Variants in PRKCE observed in about 807,000 individuals in gnomAD.
PRKCE encodes protein kinase C epsilon.
In PRKCE, 16 loss-of-function variants were observed where a neutral mutation model predicts 85.4. The observed-to-expected ratio is 0.19, with a 90% CI of 0.13 to 0.28. The LOEUF (loss-of-function observed/expected upper bound fraction) is 0.28, where lower values mean the gene tolerates loss of function less well. Among genes scored for constraint, PRKCE ranks in the 10% least tolerant of loss-of-function variants. PRKCE has a pLI of 1.00. For synonymous variants in PRKCE, 388 were observed against 371.5 expected (o/e 1.04, Z -0.51); for missense variants, 573 against 975.2 (o/e 0.59, Z 5.49).
chr2:46,124,057 G>A (rs1574531957), intron 11 of PRKCE, among the ~76,000 whole-genome samples: 1 of 152,168 alleles, frequency 6.6e-6, no homozygotes, highest in Non-Finnish European at 1.5e-5. Context: ...GGGTATGGTG[G>A]CTCACACCTG....
chr2:45,750,673 C>G (rs987756108), intron 1 of PRKCE, among the ~76,000 whole-genome samples: 2 of 152,164 alleles, frequency 1.3e-5, no homozygotes, highest in African/African-American at 4.8e-5. Context: ...CAGTTTTCTT[C>G]CCACATGAAA....
chr2:45,690,340 C>G (rs773764601), intron 1 of PRKCE, among the ~76,000 whole-genome samples: 13 of 152,208 alleles, frequency 8.5e-5, no homozygotes, highest in African/African-American at 2.9e-4. Context: ...TGCTGCTTCT[C>G]TTGGGGGATA....
At chr2:45,656,489 A>T (rs953433619) in intron 1 of PRKCE, among the ~76,000 whole-genome samples, 1 of 152,242 alleles carries the variant, frequency 6.6e-6, no homozygotes, top group Admixed American at 6.5e-5. Flanking sequence ...CATTACAAAG[A>T]GAAGGAAAGA....
chr2:45,988,460 T>C (rs1703519416), intron 6 of PRKCE, among the ~76,000 whole-genome samples: 1 of 151,908 alleles, frequency 6.6e-6, no homozygotes, highest in African/African-American at 2.4e-5. Context: ...GACAAGGAAA[T>C]GGAAATCTGG....
chr2:45,800,631 T>A (rs1236640459), intron 1 of PRKCE, among the ~76,000 whole-genome samples: 3 of 152,242 alleles, frequency 2.0e-5, no homozygotes, highest in Non-Finnish European at 4.4e-5. Flanking sequence ...TTGGCAGAAC[T>A]GGGCTGCTGG....
At chr2:46,179,689 G>T (rs568777857) in intron 14 of PRKCE, among the ~76,000 whole-genome samples, 1 of 152,268 alleles carries the variant, frequency 6.6e-6, no homozygotes, top group African/African-American at 2.4e-5. Context: ...TTTCTATCTT[G>T]TGTCAGCAAT....
intron 14 of PRKCE, among the ~76,000 whole-genome samples, chr2:46,180,637 C>A (rs1679883179): frequency 6.6e-6 from 1 of 152,216 alleles, no homozygotes; most frequent in Admixed American, 6.5e-5. Flanking sequence ...GCCCATGGCA[C>A]ACGAATGCTA....
intron 2 of PRKCE, among the ~76,000 whole-genome samples, chr2:45,928,372 A>G (rs1443114462): frequency 6.6e-6 from 1 of 152,182 alleles, no homozygotes; most frequent in Non-Finnish European, 1.5e-5. Context: ...GGTTGAAGCA[A>G]TTCTCATGCC....
At chr2:45,753,131 G>T (rs1285947199) in intron 1 of PRKCE, among the ~76,000 whole-genome samples, 1 of 152,130 alleles carries the variant, frequency 6.6e-6, no homozygotes, top group Non-Finnish European at 1.5e-5. Flanking sequence ...TGTTTAACAG[G>T]CTCAGGGTAA....
intron 14 of PRKCE, among the ~76,000 whole-genome samples, chr2:46,178,669 T>C (rs1253121398): frequency 1.3e-5 from 2 of 152,210 alleles, no homozygotes; most frequent in Non-Finnish European, 2.9e-5. Flanking sequence ...TTTTAGAATA[T>C]TTAAAAGAGA....
intron 2 of PRKCE, among the ~76,000 whole-genome samples, chr2:45,937,536 C>A (rs911014836): frequency 6.6e-6 from 1 of 152,130 alleles, no homozygotes; most frequent in Non-Finnish European, 1.5e-5. Flanking sequence ...TACGGTGAAA[C>A]CCCATCTCCA....
intron 1 of PRKCE, among the ~76,000 whole-genome samples, chr2:45,831,903 C>A (rs1690453483): frequency 2.0e-5 from 1 of 50,546 alleles, no homozygotes; most frequent in Non-Finnish European, 6.0e-5. Context: ...AAATATATAA[C>A]CCAAATGAAA....
Position 45,661,536 on chromosome 2 carries a change from T to G in PRKCE, c.348+9088T>G, listed in dbSNP as rs535647799. Among the ~76,000 whole-genome samples the G allele has an allele frequency of 9.2e-3, 1,261 of 137,478 alleles. 15 individuals carry two copies. Among genetic ancestry groups the G allele is most frequent in the Middle Eastern group, 0.014 (4 of 280 alleles). The allele number at this position is 137,478 out of a possible 152,430, so 90.2% of individuals were successfully genotyped here. ...GTTTTGTTTTTTGTTTTTTGTTTTT[T>G]TTTTTTTTTTTAGAAGGAGTCTCGC... On this transcript the variant is annotated intron_variant, in intron 1 of 14. Coordinates refer to ENST00000306156, the MANE Select transcript of PRKCE (RefSeq NM_005400.3).
rs988300176 is a variant in PRKCE, at chr2:45,713,622, G to T, written c.348+61174G>T. Among the ~76,000 whole-genome samples the T allele has an allele frequency of 1.3e-4, 20 of 152,328 alleles. 1 individual carries two copies. Among genetic ancestry groups the T allele is most frequent in the African/African-American group, 4.1e-4 (17 of 41,588 alleles). On this transcript the variant is annotated intron_variant, in intron 1 of 14. Transcript: ENST00000306156. ...GCATTTCTTTAAATAGGAAACCATG[G>T]CTGTTTTTAGGTTGAGGAGTTAAAA...
chr2:46,102,010 T>G (rs1483878967), intron 11 of PRKCE, among the ~76,000 whole-genome samples: 1 of 151,694 alleles, frequency 6.6e-6, no homozygotes, highest in Non-Finnish European at 1.5e-5. Flanking sequence ...AATCTGCTCT[T>G]GTGAGCTGGT....
At chr2:45,743,424 G>T (rs1246815353) in intron 1 of PRKCE, among the ~76,000 whole-genome samples, 1 of 152,040 alleles carries the variant, frequency 6.6e-6, no homozygotes, top group Non-Finnish European at 1.5e-5. Flanking sequence ...AAAATAGCCA[G>T]GAGCCACCTG....
At chr2:45,762,498 G>A (rs1484378413) in intron 1 of PRKCE, among the ~76,000 whole-genome samples, 3 of 152,296 alleles carry the variant, frequency 2.0e-5, no homozygotes, top group East Asian at 1.9e-4. Context: ...GGTACACCAA[G>A]GCTCTTTTTC....
At chr2:46,121,312 G>A (rs1673292187) in intron 11 of PRKCE, among the ~76,000 whole-genome samples, 2 of 152,174 alleles carry the variant, frequency 1.3e-5, no homozygotes, top group African/African-American at 2.4e-5. Flanking sequence ...TAAAGTAGGC[G>A]TTGTATTGTT....
At chr2:45,904,729 TG>T (rs1394520858) in intron 2 of PRKCE, among the ~76,000 whole-genome samples, 2 of 152,230 alleles carry the variant, frequency 1.3e-5, no homozygotes, top group African/African-American at 2.4e-5. Context: ...CCCGGTTGCC[TG>T]GGCCACCTGT....
Sources: allele counts gnomAD v4.1 joint callset (sites outside exome capture counted in the v4.1 genomes callset), GRCh38; gene constraint gnomAD v4.1.1; transcripts MANE v1.5; gene names NCBI Gene and HGNC (gene_info 2026-07-23, HGNC 2026-07-21).